Variants in PPP1R37 observed in about 807,000 individuals in gnomAD.
PPP1R37 encodes leucine rich repeat containing 68.
Under a neutral mutation model 61.0 loss-of-function variants are expected in PPP1R37, and 21 were observed. The observed-to-expected ratio is 0.34, with a 90% CI of 0.24 to 0.50. The LOEUF (loss-of-function observed/expected upper bound fraction) is 0.50. Among genes scored for constraint, PPP1R37 ranks in the 20% least tolerant of loss-of-function variants. The pLI is 0.98. For missense variants in PPP1R37, 910 were observed against 952.7 expected (o/e 0.96, Z 0.59); for synonymous variants, 443 against 433.5 (o/e 1.02, Z -0.27).
chr19:45,096,259 C>T (rs1482159119), intron 1 of PPP1R37, among the ~76,000 whole-genome samples: 1 of 151,494 alleles, frequency 6.6e-6, no homozygotes, highest in East Asian at 1.9e-4. Flanking sequence ...GAGTGAGGTG[C>T]GAGGGGGAAG....
intron 1 of PPP1R37, among the ~76,000 whole-genome samples, chr19:45,124,401 A>G (rs931442486): frequency 1.3e-5 from 2 of 151,696 alleles, no homozygotes; most frequent in African/African-American, 2.4e-5. Flanking sequence ...CAGATTGTCT[A>G]TTTTTCTTTT....
intron 1 of PPP1R37, among the ~76,000 whole-genome samples, chr19:45,101,657 T>G (rs1427329733): frequency 1.3e-5 from 2 of 152,108 alleles, no homozygotes; most frequent in Non-Finnish European, 2.9e-5. Context: ...GGTCGAGGCT[T>G]TAGTGAGCTG....
At chr19:45,094,174 A>G (rs973526164) in intron 1 of PPP1R37, among the ~76,000 whole-genome samples, 1 of 152,148 alleles carries the variant, frequency 6.6e-6, no homozygotes, top group Non-Finnish European at 1.5e-5. Flanking sequence ...TATTGAGACA[A>G]GGTCTCACTA....
chr19:45,121,182 G>A lies in PPP1R37; in HGVS notation c.203-17332G>A, dbSNP rs1406340743. Reference sequence around the variant, plus strand: ...CTCTTCCCCCATGCCTCTCTGCTGAGTGCCACTGGGGATTGTAGGAGTGGT... The same window carrying A: ...CTCTTCCCCCATGCCTCTCTGCTGAATGCCACTGGGGATTGTAGGAGTGGT... On this transcript the variant is annotated intron_variant, in intron 1 of 12. Coordinates refer to ENST00000221462, the MANE Select transcript of PPP1R37 (RefSeq NM_019121.2). This position sits in a 1 kb window ranked among gnomAD's most constrained non-coding sequence, Gnocchi z 4.2. Among the ~76,000 whole-genome samples the A allele has an allele frequency of 6.6e-6, 1 of 152,224 alleles. No homozygotes were observed. The highest frequency in any genetic ancestry group is 1.9e-4 in the East Asian group (1 of 5,198).
intron 1 of PPP1R37, among the ~76,000 whole-genome samples, chr19:45,106,778 A>G (rs1180439573): frequency 1.9e-5 from 2 of 103,596 alleles, no homozygotes; most frequent in East Asian, 2.7e-4. Flanking sequence ...TTTGATTTGC[A>G]TTTCCTTATG....
intron 1 of PPP1R37, among the ~76,000 whole-genome samples, chr19:45,131,992 A>G (rs1020991338): frequency 6.6e-6 from 1 of 152,114 alleles, no homozygotes; most frequent in African/African-American, 2.4e-5. Flanking sequence ...CAGGGATGGA[A>G]CTCAGGTCTT....
intron 1 of PPP1R37, among the ~76,000 whole-genome samples, chr19:45,122,834 C>T (rs573810051): frequency 6.6e-6 from 1 of 152,248 alleles, no homozygotes; most frequent in Admixed American, 6.5e-5. Context: ...TGCAGCTCTC[C>T]CATGTGCATG....
chr19:45,128,486 C>G (rs1392165239), intron 1 of PPP1R37: 8 of 788,224 alleles, frequency 1.0e-5, no homozygotes, highest in African/African-American at 7.0e-5. Context: ...AGCAGCAGGC[C>G]CAGAGGCAGC....
chr19:45,124,552 T>C (rs555559698), intron 1 of PPP1R37, among the ~76,000 whole-genome samples: 25 of 151,876 alleles, frequency 1.6e-4, no homozygotes, highest in African/African-American at 6.0e-4. Flanking sequence ...GGCCCCCTCC[T>C]CGCTCTCACG....
intron 5 of PPP1R37, 105 bp from the exon 6 acceptor site, chr19:45,141,956 G>A: frequency 1.6e-6 from 2 of 1,233,018 alleles, no homozygotes; most frequent in Non-Finnish European, 2.2e-6. Context: ...TTGAGACATG[G>A]GGGCACAGGT....
At chr19:45,103,682 G>A (rs886912194) in intron 1 of PPP1R37, among the ~76,000 whole-genome samples, 2 of 152,314 alleles carry the variant, frequency 1.3e-5, no homozygotes, top group South Asian at 2.1e-4. Flanking sequence ...CCGCAGGGAA[G>A]TGACTCTCTG....
In PPP1R37 at chr19:45,124,554, G is replaced by A. The variant is rs756293841; in HGVS notation, c.203-13960G>A. Among the ~76,000 whole-genome samples, 34 of 151,790 alleles carry A rather than the reference G, an allele frequency of 2.2e-4. 1 individual carries two copies. Among genetic ancestry groups the A allele is most frequent in the African/African-American group, 6.8e-4 (28 of 41,364 alleles). Reference sequence around the variant, plus strand: ...CCAGTGCGTGCACGGCCCCCTCCTCGCTCTCACGCATCATCTGTGTGCTCC... The same window carrying A: ...CCAGTGCGTGCACGGCCCCCTCCTCACTCTCACGCATCATCTGTGTGCTCC... On this transcript the variant is annotated intron_variant, in intron 1 of 12. Coordinates refer to ENST00000221462, the MANE Select transcript of PPP1R37 (RefSeq NM_019121.2).
At chr19:45,112,631 C>G (rs1385718680) in intron 1 of PPP1R37, among the ~76,000 whole-genome samples, 2 of 152,182 alleles carry the variant, frequency 1.3e-5, no homozygotes, top group African/African-American at 4.8e-5. Flanking sequence ...GTCCCTCTTT[C>G]AGGACGCCCC....
At chr19:45,104,147 C>T (rs1055244508) in intron 1 of PPP1R37, among the ~76,000 whole-genome samples, 10 of 152,208 alleles carry the variant, frequency 6.6e-5, no homozygotes, top group Admixed American at 2.0e-4. Context: ...CTCCCCCTCC[C>T]GTGCTGCCTT....
chr19:45,127,606 G>A (rs980667320), intron 1 of PPP1R37, among the ~76,000 whole-genome samples: 7 of 152,266 alleles, frequency 4.6e-5, no homozygotes, highest in South Asian at 2.1e-4. Context: ...GGCTTTATGC[G>A]GCTTATGACT....
At chr19:45,142,638 G>A in intron 7 of PPP1R37, 180 bp downstream of exon 7, 1 of 672,956 alleles carries the variant, frequency 1.5e-6, no homozygotes, top group South Asian at 2.0e-5. Flanking sequence ...GGGCAGGACT[G>A]GGCTGGTGGA....
rs950022993 is a variant in PPP1R37 at position 45,142,288 on chromosome 19, C to G, written c.719-15C>G. 11 of 1,535,544 alleles carry G rather than the reference C, an allele frequency of 7.2e-6. No homozygotes were observed. The highest frequency in any genetic ancestry group is 9.6e-6 in the Non-Finnish European group (11 of 1,146,658). On this transcript the variant is annotated splice_polypyrimidine_tract_variant and intron_variant, in intron 6 of 12. Coordinates refer to ENST00000221462, the MANE Select transcript of PPP1R37 (RefSeq NM_019121.2). ...AGGGGCCTGCCCAGTCACCGTGCCC[C>G]CTCCCCGTCCCCAGCCACGGCCCTG...
Position 45,093,235 on chromosome 19 carries a change from C to T in PPP1R37, c.-91C>T. 1 of 1,053,168 alleles carries T rather than the reference C, an allele frequency of 9.5e-7. No individual in the cohort carries two copies. Among genetic ancestry groups the T allele is most frequent in the East Asian group, 3.3e-5 (1 of 30,504 alleles). The allele number at this position is 1,053,168 out of a possible 1,614,324, so 65.2% of individuals were successfully genotyped here. A position where few individuals can be genotyped will look rare whatever the true frequency, so the allele number is the denominator to read the frequency against. On this transcript the variant is annotated 5_prime_UTR_variant, in exon 1 of 13. Transcript: ENST00000221462. ...GGCGGCGCCTGAAGCGGCGGCGGAGCCCATGCCCCGGGACGGCGGGCGGAC... is the reference window on the plus strand; with the variant it reads ...GGCGGCGCCTGAAGCGGCGGCGGAGTCCATGCCCCGGGACGGCGGGCGGAC...
At chr19:45,135,119 G>A (rs2122746284) in intron 1 of PPP1R37, among the ~76,000 whole-genome samples, 1 of 152,310 alleles carries the variant, frequency 6.6e-6, no homozygotes, top group South Asian at 2.1e-4. Context: ...GTGGTGGCGT[G>A]TGCCTGTAAT....
Sources: gnomAD v4.1 joint callset for allele counts (sites outside exome capture counted in the v4.1 genomes callset) on GRCh38, gnomAD v4.1.1 for gene constraint, Gnocchi (gnomAD v3.1) non-coding constraint, MANE v1.5 for transcripts, NCBI Gene and HGNC (gene_info 2026-07-23, HGNC 2026-07-21) for gene names.